The following KLRG1 variants were observed in gnomAD, a reference collection of about 807,000 sequenced individuals.
KLRG1 encodes killer cell lectin-like receptor subfamily G member 1.
A neutral mutation model predicts 21.8 loss-of-function variants in KLRG1; 16 were observed. The observed-to-expected ratio is 0.73, with a 90% confidence interval of 0.50 to 1.11. The LOEUF is 1.11. Among genes scored for constraint, KLRG1 ranks in the 50% most tolerant of loss-of-function variants. KLRG1 has a pLI of 0.00. For synonymous variants in KLRG1, 69 were observed against 75.9 expected, an observed-to-expected ratio of 0.91 and a Z score of 0.47; for missense variants, 173 against 218.3, an observed-to-expected ratio of 0.79 and a Z score of 1.31.
chr12:8,981,533 A>G (rs936885662), intron 1 of KLRG1, among the ~76,000 whole-genome samples: 1 of 151,880 alleles, frequency 6.6e-6, no homozygotes, highest in African/African-American at 2.4e-5. Context: ...CAAAGTGGGT[A>G]TTTTAATTTC....
chr12:9,072,593 T>C, the KLRG1 span: 2 of 1,597,894 alleles, frequency 1.3e-6, no homozygotes, highest in Non-Finnish European at 1.7e-6. Flanking sequence ...AGTTAGGACT[T>C]CTCAGAGAGA....
chr12:9,145,829 G>A, the KLRG1 span, among the ~76,000 whole-genome samples: 5 of 152,126 alleles, frequency 3.3e-5, no homozygotes, highest in African/African-American at 1.2e-4. Context: ...TTCTTGGTTA[G>A]CAGGTTTGTA....
At chr12:9,104,260 C>T in the KLRG1 span, 1 of 1,612,406 alleles carries the variant, frequency 6.2e-7, no homozygotes, top group South Asian at 1.1e-5. Context: ...GAGAGGTACC[C>T]ATAACATTGG....
chr12:9,001,391 G>A lies in KLRG1; in HGVS notation c.357+6103G>A, dbSNP rs117595562. 1.3e-3 allele frequency among the ~76,000 whole-genome samples: 191 copies of A among 152,170 alleles called. 1 individual carries two copies. The highest frequency in any genetic ancestry group is 2.0e-3 in the Non-Finnish European group (133 of 68,010). ...TCTTTCTGTGTATTGGCTGAAAATCGCAGAGGGCCTTGACCGCTCTGTGAC... is the reference window on the plus strand; with the variant it reads ...TCTTTCTGTGTATTGGCTGAAAATCACAGAGGGCCTTGACCGCTCTGTGAC... On this transcript the variant is annotated intron_variant, in intron 3 of 4. Transcript: ENST00000356986.
chr12:8,985,255 ATT>A (rs35429147), upstream of KLRG1, among the ~76,000 whole-genome samples: 4 of 149,328 alleles, frequency 2.7e-5, no homozygotes, highest in Non-Finnish European at 5.9e-5. Flanking sequence ...GAATTATCTG[ATT>A]TTTTTTTTGC....
chr12:9,152,959 A>T, the KLRG1 span: 1 of 1,614,138 alleles, frequency 6.2e-7, no homozygotes, highest in East Asian at 2.2e-5. Context: ...TGTCTGTGAA[A>T]CAGCAAAGAC....
the KLRG1 span, among the ~76,000 whole-genome samples, chr12:9,039,973 A>T: frequency 3.3e-5 from 5 of 152,238 alleles, no homozygotes; most frequent in African/African-American, 1.2e-4. Context: ...AAAAGAAATG[A>T]TACCTTTCAG....
intron 1 of KLRG1, among the ~76,000 whole-genome samples, chr12:8,982,416 A>G (rs770048818): frequency 6.6e-6 from 1 of 152,270 alleles, no homozygotes; most frequent in South Asian, 2.1e-4. Context: ...CAAAACCTTG[A>G]TTTTGGACTT....
the KLRG1 span, among the ~76,000 whole-genome samples, chr12:9,166,489 G>A: frequency 3.3e-5 from 5 of 152,148 alleles, no homozygotes; most frequent in African/African-American, 4.8e-5. Flanking sequence ...GTTTTGTGGC[G>A]AAGGACCAAT....
At chr12:9,008,169 GA>G (rs1228842809) in intron 3 of KLRG1, among the ~76,000 whole-genome samples, 1 of 152,010 alleles carries the variant, frequency 6.6e-6, no homozygotes, top group Admixed American at 6.6e-5. Context: ...CCTCAGTGGG[GA>G]AAAAAACAAG....
chr12:9,194,367 T>C, the KLRG1 span: 2 of 734,616 alleles, frequency 2.7e-6, no homozygotes, highest in Non-Finnish European at 2.2e-6. Context: ...CACCAAACCT[T>C]CATATTTACG....
intron 1 of KLRG1, among the ~76,000 whole-genome samples, chr12:8,974,529 A>G (rs1457492132): frequency 6.6e-6 from 1 of 152,066 alleles, no homozygotes; most frequent in Non-Finnish European, 1.5e-5. Flanking sequence ...GGTTTTTATT[A>G]TATTGAGGTA....
At chr12:9,198,226 C>CT in the KLRG1 span, among the ~76,000 whole-genome samples, 258 of 151,796 alleles carry the variant, frequency 1.7e-3, no homozygotes, top group Non-Finnish European at 3.1e-3. Flanking sequence ...TGACATGCAC[C>CT]TGTAGTCCTA....
At chr12:9,132,087 G>A in the KLRG1 span, among the ~76,000 whole-genome samples, 1 of 152,172 alleles carries the variant, frequency 6.6e-6, no homozygotes, top group Non-Finnish European at 1.5e-5. Flanking sequence ...GAAAATAGAT[G>A]TGATATTTAA....
chr12:9,192,475 G>A, the KLRG1 span: 1 of 1,571,626 alleles, frequency 6.4e-7, no homozygotes, highest in South Asian at 1.1e-5. Context: ...TTGTCCTACT[G>A]ATAAGCTGCA....
intron 3 of KLRG1, among the ~76,000 whole-genome samples, chr12:9,002,706 AC>A (rs1429901997): frequency 6.6e-6 from 1 of 151,712 alleles, no homozygotes; most frequent in African/African-American, 2.4e-5. Context: ...AGCTGGGACT[AC>A]AGGCATGTGC....
the KLRG1 span, chr12:9,098,316 T>C: frequency 1.8e-5 from 3 of 166,996 alleles, no homozygotes; most frequent in Admixed American, 6.3e-5. Context: ...CGTGTCTGAA[T>C]AACGAGTCCT....
the KLRG1 span, among the ~76,000 whole-genome samples, chr12:9,187,149 A>G: frequency 6.6e-6 from 1 of 152,050 alleles, no homozygotes; most frequent in South Asian, 2.1e-4. Context: ...ACCTAACTAA[A>G]CAAAATCTAC....
chr12:9,210,463 C>T, the KLRG1 span, among the ~76,000 whole-genome samples: 1 of 152,120 alleles, frequency 6.6e-6, no homozygotes, highest in Non-Finnish European at 1.5e-5. Context: ...AAATGTGCTT[C>T]TAAATCTCTC....
Sources: allele counts gnomAD v4.1 joint callset (sites outside exome capture counted in the v4.1 genomes callset), GRCh38; gene constraint gnomAD v4.1.1; transcripts MANE v1.5; gene names NCBI Gene and HGNC (gene_info 2026-07-23, HGNC 2026-07-21).